The following STAG2 variants were observed in gnomAD, a reference collection of about 807,000 sequenced individuals.
STAG2 encodes STAG2 cohesin complex component.
Under a neutral mutation model 108.1 loss-of-function variants are expected in STAG2, and 14 were observed. The ratio of observed to expected loss-of-function variants is 0.13; its 90% CI spans 0.09 to 0.20. The LOEUF (loss-of-function observed/expected upper bound fraction) is 0.20, where lower values mean the gene tolerates loss of function less well. Among genes scored for constraint, STAG2 ranks in the 10% least tolerant of loss-of-function variants. The probability of loss-of-function intolerance (pLI) is 1.00; values close to 1 mark genes in which losing one functional copy is unlikely to be tolerated. For missense variants in STAG2, 440 were observed against 940.9 expected (o/e 0.47, Z 6.96); for synonymous variants, 307 against 302.7 (o/e 1.01, Z -0.15).
Position 124,050,295 on chromosome X carries a change from A to G in STAG2, c.1003A>G (p.Thr335Ala). 8.3e-7 allele frequency: 1 copy of G among 1,207,615 alleles called. No homozygotes were observed. The highest frequency in any genetic ancestry group is 1.1e-6 in the Non-Finnish European group (1 of 893,539). Reference protein sequence around the residue: ...NDSYLKYVGWTMHDKQGEVRL... With the variant: ...NDSYLKYVGWAMHDKQGEVRL... ...CAGTTATTTAAAATATGTTGGTTGG[A>G]CTATGCATGATAAGGTAAGATGTGC... Residue 335 changes from threonine (T) to alanine (A), a missense_variant, in exon 11 of 35, where the codon ACT becomes GCT. Thr to Ala is a moderately conservative substitution (Grantham distance 58, BLOSUM62 0). Transcript: ENST00000371145.
intron 34 of STAG2, among the ~76,000 whole-genome samples, chrX:124,098,113 G>A (rs2059428357): frequency 9.1e-6 from 1 of 109,547 alleles, no homozygotes; most frequent in Non-Finnish European, 1.9e-5. Flanking sequence ...AGAAAAATAG[G>A]GGCCTAATAG....
chrX:123,975,924 C>T, intron 1 of STAG2, among the ~76,000 whole-genome samples: 1 of 112,074 alleles, frequency 8.9e-6, no homozygotes. Context: ...AGAAAAGTTC[C>T]TATAGTAGGA....
At chrX:123,966,440 C>T (rs746887866) in intron 1 of STAG2, among the ~76,000 whole-genome samples, 89 of 108,770 alleles carry the variant, frequency 8.2e-4, no homozygotes, top group East Asian at 1.4e-3. Context: ...GTAGCCTGGG[C>T]GACAGCGAGA....
intron 1 of STAG2, among the ~76,000 whole-genome samples, chrX:124,000,662 T>A (rs926706745): frequency 9.0e-6 from 1 of 110,773 alleles, no homozygotes; most frequent in African/African-American, 3.3e-5. Context: ...GATGAGAGAG[T>A]GAGACGAGAC....
intron 7 of STAG2, among the ~76,000 whole-genome samples, chrX:124,044,059 C>T (rs1262471548): frequency 9.1e-6 from 1 of 110,480 alleles, no homozygotes; most frequent in Non-Finnish European, 1.9e-5. Context: ...AACTATTATT[C>T]TAAAAGATAG....
chrX:124,080,718 A>G (rs912156830), intron 27 of STAG2, among the ~76,000 whole-genome samples: 1 of 111,176 alleles, frequency 9.0e-6, no homozygotes, highest in Non-Finnish European at 1.9e-5. Context: ...ATAATTGTAC[A>G]TATTTATGGG....
intron 1 of STAG2, among the ~76,000 whole-genome samples, chrX:124,020,106 CTTCT>C (rs1392024436): frequency 8.9e-6 from 1 of 112,612 alleles, no homozygotes; most frequent in Non-Finnish European, 1.9e-5. Context: ...CCTGGGAATG[CTTCT>C]TTCTTTTACA....
At chrX:123,971,589 C>T (rs183824031) in intron 1 of STAG2, among the ~76,000 whole-genome samples, 1 of 111,365 alleles carries the variant, frequency 9.0e-6, no homozygotes, top group East Asian at 2.8e-4. Context: ...TTTTTAAAAT[C>T]CAGGAGAATT....
intron 14 of STAG2, 91 bp downstream of exon 14, chrX:124,056,326 A>G (rs1195157212): frequency 4.4e-6 from 2 of 459,377 alleles, no homozygotes; most frequent in Admixed American, 5.0e-5. Flanking sequence ...TTATATATAT[A>G]TAACTTATTT....
At chrX:124,073,713 A>G (rs1053365757) in intron 25 of STAG2, among the ~76,000 whole-genome samples, 3 of 111,651 alleles carry the variant, frequency 2.7e-5, no homozygotes, top group Non-Finnish European at 5.6e-5. Flanking sequence ...GTGAGCCACT[A>G]CACCTGGCAC....
chrX:124,048,362 T>C (rs113436444), intron 9 of STAG2, among the ~76,000 whole-genome samples: 1 of 112,405 alleles, frequency 8.9e-6, no homozygotes, highest in Non-Finnish European at 1.9e-5. Flanking sequence ...AAAGTGTTGA[T>C]ACTTTTTCCC....
intron 1 of STAG2, among the ~76,000 whole-genome samples, chrX:123,979,718 G>A (rs1485118195): frequency 9.0e-6 from 1 of 110,913 alleles, no homozygotes; most frequent in African/African-American, 3.3e-5. Flanking sequence ...ATTAGTACAG[G>A]TCTCTTAAAG....
intron 1 of STAG2, among the ~76,000 whole-genome samples, chrX:123,991,410 T>C (rs2055454119): frequency 9.0e-6 from 1 of 110,892 alleles, no homozygotes; most frequent in South Asian, 3.8e-4. Flanking sequence ...TGGAGTGCAA[T>C]GGCATGATCT....
chrX:124,023,213 A>G (rs888466537), intron 3 of STAG2, among the ~76,000 whole-genome samples: 2 of 112,100 alleles, frequency 1.8e-5, no homozygotes, highest in Admixed American at 1.9e-4. Flanking sequence ...GAACTACTCT[A>G]TGTAACAGTG....
chrX:124,001,386 G>A (rs1050845547), intron 1 of STAG2, among the ~76,000 whole-genome samples: 1 of 111,147 alleles, frequency 9.0e-6, no homozygotes, highest in Non-Finnish European at 1.9e-5. Flanking sequence ...CACTGCACCC[G>A]GCCAAAATAT....
intron 20 of STAG2, 30 bp downstream of exon 20, chrX:124,064,081 G>T: frequency 9.1e-7 from 1 of 1,097,572 alleles, no homozygotes; most frequent in Non-Finnish European, 1.2e-6. Flanking sequence ...CAAGTATTTT[G>T]TCAGTTGAGC....
At chrX:124,014,348 A>G (rs778827015) in intron 1 of STAG2, among the ~76,000 whole-genome samples, 36 of 110,727 alleles carry the variant, frequency 3.3e-4, no homozygotes, top group African/African-American at 1.1e-3. Flanking sequence ...TCCATCCTTT[A>G]TATATATGTA....
intron 5 of STAG2, among the ~76,000 whole-genome samples, chrX:124,033,552 A>G (rs1316787727): frequency 9.0e-6 from 1 of 111,610 alleles, no homozygotes; most frequent in African/African-American, 3.3e-5. Context: ...GCCTGAGGTC[A>G]GGAGTTGGAG....
intron 13 of STAG2, among the ~76,000 whole-genome samples, 169 bp downstream of exon 13, chrX:124,051,563 G>A (rs963665410): frequency 1.8e-5 from 2 of 110,976 alleles, no homozygotes; most frequent in Non-Finnish European, 3.8e-5. Flanking sequence ...ACAGGAAGAA[G>A]GAACCATAGA....
Sources: gnomAD v4.1 joint callset for allele counts (sites outside exome capture counted in the v4.1 genomes callset) on GRCh38, gnomAD v4.1.1 for gene constraint, MANE v1.5 for transcripts, NCBI Gene and HGNC (gene_info 2026-07-23, HGNC 2026-07-21) for gene names.